The following SLC4A5 variants were observed in gnomAD, a reference collection of about 807,000 sequenced individuals.
SLC4A5 encodes electrogenic sodium bicarbonate cotransporter 4.
Under a neutral mutation model 120.4 loss-of-function variants are expected in SLC4A5, and 96 were observed. That is an observed-to-expected ratio of 0.80 (90% CI 0.68 to 0.94). SLC4A5 has a LOEUF of 0.94. SLC4A5 is among the 40% of genes least tolerant of loss of function. The pLI, the probability that SLC4A5 is intolerant of heterozygous loss-of-function variation, is 0.00. For missense variants in SLC4A5, 1,259 were observed against 1,459.5 expected (o/e 0.86, Z 2.24); for synonymous variants, 550 against 571.1 (o/e 0.96, Z 0.53).
chr2:74,278,818 C>T (rs1207436721), intron 8 of SLC4A5, among the ~76,000 whole-genome samples: 1 of 152,208 alleles, frequency 6.6e-6, no homozygotes, highest in Non-Finnish European at 1.5e-5. Context: ...AAATCTTCAT[C>T]TGACCATAAA....
intron 5 of SLC4A5, among the ~76,000 whole-genome samples, chr2:74,324,529 A>C (rs777777021): frequency 1.3e-5 from 2 of 152,220 alleles, no homozygotes; most frequent in Non-Finnish European, 2.9e-5. Flanking sequence ...GTTGCTGCTG[A>C]TGATGCTGAT....
At chr2:74,328,172 C>G (rs1294637806) in exon 5 of SLC4A5, 1 of 985,780 alleles carries the variant, frequency 1.0e-6, no homozygotes, top group East Asian at 1.1e-4. Flanking sequence ...GAGGCCAGAA[C>G]CACTTGCTCT....
At chr2:74,340,358 C>T (rs917698749) in intron 2 of SLC4A5, among the ~76,000 whole-genome samples, 1 of 152,166 alleles carries the variant, frequency 6.6e-6, no homozygotes, top group Non-Finnish European at 1.5e-5. Context: ...TCTCCAAATT[C>T]TGGCATTTTC....
rs776652023 is a variant in SLC4A5 at position 74,254,745 on chromosome 2, G to C, written c.1026-39C>G. 5.2e-5 allele frequency: 74 copies of C among 1,433,718 alleles called. No individual in the cohort carries two copies. In the South Asian group the frequency reaches 8.4e-4, roughly 16 times the overall value. The allele number at this position is 1,433,718 out of a possible 1,614,324, so 88.8% of individuals were successfully genotyped here. ...GGAGGAGGAGACAGAGAAGATTAAG[G>C]AAGAGGAGCATGAAAGTGAGAAGGA... On this transcript the variant is annotated intron_variant, in intron 13 of 30. Coordinates refer to ENST00000394019, the Ensembl canonical transcript of SLC4A5.
rs534982996 is a variant in SLC4A5 at position 74,307,363 on chromosome 2, C to T, written c.80-2683G>A. On this transcript the variant is annotated intron_variant, in intron 6 of 30. Coordinates refer to ENST00000394019, the Ensembl canonical transcript of SLC4A5. The stretch of plus-strand genomic sequence containing the variant: ...TGGGCTTGTAGGTCTTTTACTTCCT[C>T]TTCGTGGTTCTTCTTCATGAAGAGC... 9.8e-6 allele frequency: 6 copies of T among 609,472 alleles called. 1 individual carries two copies. The highest frequency in any genetic ancestry group is 4.4e-5 in the South Asian group (3 of 67,726). The allele number at this position is 609,472 out of a possible 1,614,324, so 37.8% of individuals were successfully genotyped here. A position where few individuals can be genotyped will look rare whatever the true frequency, so the allele number is the denominator to read the frequency against.
chr2:74,230,748 G>A (rs113215700), intron 25 of SLC4A5, among the ~76,000 whole-genome samples: 199 of 152,262 alleles, frequency 1.3e-3, no homozygotes, highest in East Asian at 5.0e-3. Flanking sequence ...AGAAAACGGC[G>A]GTGACAGTGT....
chr2:74,237,180 G>A (rs1375412401), intron 21 of SLC4A5, among the ~76,000 whole-genome samples: 1 of 152,080 alleles, frequency 6.6e-6, no homozygotes, highest in African/African-American at 2.4e-5. Context: ...GATTCACCAT[G>A]TTAGCCAGGA....
intron 4 of SLC4A5, among the ~76,000 whole-genome samples, chr2:74,330,924 A>G (rs1319466881): frequency 1.1e-5 from 1 of 93,986 alleles, no homozygotes; most frequent in Non-Finnish European, 2.3e-5. Flanking sequence ...TGTGTGGTTT[A>G]GGTGTAGGTG....
intron 21 of SLC4A5, among the ~76,000 whole-genome samples, chr2:74,237,664 G>A (rs568053074): frequency 6.6e-6 from 1 of 152,278 alleles, no homozygotes; most frequent in East Asian, 1.9e-4. Flanking sequence ...TTAGGAGACT[G>A]CTAATGGAGT....
chr2:74,232,372 T>C, intron 24 of SLC4A5, 97 bp downstream of exon 24: 6 of 1,446,094 alleles, frequency 4.1e-6, no homozygotes, highest in Non-Finnish European at 5.6e-6. Flanking sequence ...GCGGGGGCCC[T>C]TTTTGTCCAA....
chr2:74,224,469 G>A (rs1234270588), intron 28 of SLC4A5, among the ~76,000 whole-genome samples: 1 of 152,148 alleles, frequency 6.6e-6, no homozygotes, highest in Non-Finnish European at 1.5e-5. Flanking sequence ...CCCCAAGTCT[G>A]CTCCACTCTT....
intron 3 of SLC4A5, among the ~76,000 whole-genome samples, chr2:74,338,393 T>C (rs1006164783): frequency 1.3e-5 from 2 of 152,208 alleles, no homozygotes; most frequent in African/African-American, 4.8e-5. Context: ...ACCTTTCAGA[T>C]CGGCAGATAT....
chr2:74,221,563 T>A, intron 29 of SLC4A5, 62 bp from the exon 30 acceptor site: 2 of 1,514,264 alleles, frequency 1.3e-6, no homozygotes, highest in South Asian at 2.2e-5. Context: ...TTCTCCGGGC[T>A]TCCCCCACCA....
At chr2:74,292,581 A>G (rs1380897819) in intron 7 of SLC4A5, among the ~76,000 whole-genome samples, 1 of 152,228 alleles carries the variant, frequency 6.6e-6, no homozygotes, top group Admixed American at 6.5e-5. Flanking sequence ...ATAGGAATGG[A>G]TTCTAACAGC....
At position 74,264,314 on chromosome 2, in the gene SLC4A5, T is replaced by C. The variant is rs759197379; in HGVS notation, c.563-15A>G. ...AATGACATCATCTGTGTGGAAAACA[T>C]ACACACCTCATCCCTGTGGGACAGA... On this transcript the variant is annotated splice_polypyrimidine_tract_variant and intron_variant, in intron 9 of 30. Coordinates refer to ENST00000394019, the Ensembl canonical transcript of SLC4A5. The C allele has an allele frequency of 1.2e-6, 2 of 1,611,724 alleles. No individual in the cohort carries two copies. The highest frequency in any genetic ancestry group is 2.2e-5 in the South Asian group (2 of 90,670).
At chr2:74,268,787 G>A (rs11897130) in intron 8 of SLC4A5, among the ~76,000 whole-genome samples, 52,514 of 152,156 alleles carry the variant, frequency 0.35, 12,944 homozygotes, top group East Asian at 0.74. Context: ...TCATTTGGTA[G>A]TTGAAAAATT....
intron 2 of SLC4A5, among the ~76,000 whole-genome samples, chr2:74,341,347 G>C (rs1420161451): frequency 6.7e-6 from 1 of 149,658 alleles, no homozygotes; most frequent in Non-Finnish European, 1.5e-5. Context: ...AGAGCAGTAA[G>C]AGACAAAAAT....
Position 74,271,471 on chromosome 2 carries a change from G to A in SLC4A5, c.402-6207C>T, listed in dbSNP as rs141219845. ...CAACTCTGTGCTCCAGACTATCCTA[G>A]GTAAAGTTTCTAACTTCTTAGGCTC... On this transcript the variant is annotated intron_variant, in intron 8 of 30. Coordinates refer to ENST00000394019, the Ensembl canonical transcript of SLC4A5. Among the ~76,000 whole-genome samples, 159 of 152,124 alleles carry A rather than the reference G, an allele frequency of 1.0e-3. 1 individual carries two copies. Among genetic ancestry groups the A allele is most frequent in the African/African-American group, 3.5e-3 (145 of 41,476 alleles).
At chr2:74,246,214 C>A (rs1436857491) in intron 19 of SLC4A5, among the ~76,000 whole-genome samples, 1 of 152,184 alleles carries the variant, frequency 6.6e-6, no homozygotes, top group Admixed American at 6.5e-5. Flanking sequence ...CTGGGTGTTA[C>A]CAGGTTGACC....
Sources: gnomAD v4.1 joint callset for allele counts (sites outside exome capture counted in the v4.1 genomes callset) on GRCh38, gnomAD v4.1.1 for gene constraint, MANE v1.5 for transcripts, NCBI Gene and HGNC (gene_info 2026-07-23, HGNC 2026-07-21) for gene names.